Variants in SLC71A1 observed in about 807,000 individuals in gnomAD.
SLC71A1 encodes the protein hippocampus abundant gene transcript 1.
the SLC71A1 span, chr1:100,068,406 ATTC>A: frequency 8.9e-7 from 1 of 1,122,884 alleles, no homozygotes; most frequent in South Asian, 1.3e-5. Flanking sequence ...ATCTCTGCGT[ATTC>A]TTAAGAATAG....
the SLC71A1 span, among the ~76,000 whole-genome samples, chr1:100,057,457 C>T: frequency 3.3e-5 from 5 of 150,766 alleles, no homozygotes; most frequent in East Asian, 2.0e-4. Context: ...CGGGTTTAAG[C>T]GATTCTTCTG....
chr1:100,048,620 T>G, the SLC71A1 span, among the ~76,000 whole-genome samples: 1 of 152,230 alleles, frequency 6.6e-6, no homozygotes, highest in Admixed American at 6.5e-5. Flanking sequence ...TTACTGTTCC[T>G]TTTATCTTCC....
chr1:100,068,223 G>T, the SLC71A1 span: 2 of 1,555,210 alleles, frequency 1.3e-6, no homozygotes, highest in Non-Finnish European at 1.8e-6. Flanking sequence ...CCTTCTCCTT[G>T]ATAAAAAAGT....
the SLC71A1 span, among the ~76,000 whole-genome samples, chr1:100,064,727 C>CT: frequency 0.012 from 1,776 of 142,480 alleles, 14 homozygotes; most frequent in Middle Eastern, 0.065. Context: ...GTCTCTTTTC[C>CT]TTTTTTTTTT....
At chr1:100,080,883 TG>T in the SLC71A1 span, among the ~76,000 whole-genome samples, 2 of 152,242 alleles carry the variant, frequency 1.3e-5, no homozygotes, top group Admixed American at 1.3e-4. Context: ...GTACCTAGTT[TG>T]TCAATGGCAT....
At chr1:100,062,009 A>G in the SLC71A1 span, 1 of 1,011,914 alleles carries the variant, frequency 9.9e-7, no homozygotes, top group Non-Finnish European at 1.5e-6. Context: ...TTTTAAGATA[A>G]ATATTATTAT....
At chr1:100,040,907 A>AT in the SLC71A1 span, among the ~76,000 whole-genome samples, 2 of 152,182 alleles carry the variant, frequency 1.3e-5, no homozygotes, top group Non-Finnish European at 2.9e-5. Flanking sequence ...CAATGGGTAG[A>AT]TTCATTCAGT....
At chr1:100,054,682 A>G in the SLC71A1 span, among the ~76,000 whole-genome samples, 1 of 152,220 alleles carries the variant, frequency 6.6e-6, no homozygotes, top group Non-Finnish European at 1.5e-5. Flanking sequence ...AGCGTTTAAC[A>G]TTTTAAGGAT....
chr1:100,065,540 C>T, the SLC71A1 span, among the ~76,000 whole-genome samples: 7 of 133,288 alleles, frequency 5.3e-5, no homozygotes, highest in African/African-American at 8.4e-5. Context: ...CTTTCCTTTT[C>T]GCTTTCACCT....
the SLC71A1 span, among the ~76,000 whole-genome samples, chr1:100,071,338 G>T: frequency 2.1e-3 from 321 of 149,606 alleles, no homozygotes; most frequent in African/African-American, 7.4e-3. Context: ...CGGTGTGGTG[G>T]TGTGTGCCTG....
chr1:100,062,189 A>G, the SLC71A1 span: 1 of 373,026 alleles, frequency 2.7e-6, no homozygotes. Context: ...AAATTATAGT[A>G]TATTTTACCT....
the SLC71A1 span, among the ~76,000 whole-genome samples, chr1:100,038,554 C>T: frequency 6.6e-6 from 1 of 152,210 alleles, no homozygotes; most frequent in African/African-American, 2.4e-5. Flanking sequence ...CTGCCGCCCT[C>T]TGCTCTGGCC....
chr1:100,038,636 C>G, the SLC71A1 span, among the ~76,000 whole-genome samples: 1 of 152,000 alleles, frequency 6.6e-6, no homozygotes, highest in Non-Finnish European at 1.5e-5. Context: ...GGGGCTCCCC[C>G]GGCGGCCCGC....
At chr1:100,046,506 G>A in the SLC71A1 span, among the ~76,000 whole-genome samples, 1 of 152,106 alleles carries the variant, frequency 6.6e-6, no homozygotes, top group Non-Finnish European at 1.5e-5. Flanking sequence ...GATTACAGGC[G>A]TGAGTCACTG....
chr1:100,038,344 TC>T, the SLC71A1 span: 3 of 1,545,764 alleles, frequency 1.9e-6, no homozygotes, highest in East Asian at 7.3e-5. Flanking sequence ...CCGGCGAGCG[TC>T]CCTCGGGGCC....
chr1:100,061,062 T>A, the SLC71A1 span, among the ~76,000 whole-genome samples: 1 of 152,134 alleles, frequency 6.6e-6, no homozygotes, highest in African/African-American at 2.4e-5. Context: ...GAACATGGAA[T>A]GAACAAAGAA....
chr1:100,082,556 T>C, the SLC71A1 span: 4 of 246,212 alleles, frequency 1.6e-5, no homozygotes, highest in Non-Finnish European at 3.2e-5. Flanking sequence ...TTTAACTCTA[T>C]GCTGACTCAG....
the SLC71A1 span, among the ~76,000 whole-genome samples, chr1:100,073,634 G>T: frequency 1.3e-5 from 2 of 152,166 alleles, no homozygotes; most frequent in Non-Finnish European, 2.9e-5. Flanking sequence ...AAATAAGCAG[G>T]CTCATATGCA....
the SLC71A1 span, chr1:100,042,973 T>C: frequency 8.1e-6 from 3 of 370,266 alleles, no homozygotes; most frequent in Admixed American, 6.4e-5. Context: ...GGTGTGTGGC[T>C]GGCAGCATCA....
Sources: gnomAD v4.1 joint callset for allele counts (sites outside exome capture counted in the v4.1 genomes callset) on GRCh38, gnomAD v4.1.1 for gene constraint, MANE v1.5 for transcripts, NCBI Gene and HGNC (gene_info 2026-07-23, HGNC 2026-07-21) for gene names.